CDH20: variants seen among roughly 807,000 people sequenced by gnomAD.
The protein encoded by CDH20 is cadherin 20.
CDH20 carries 29 observed loss-of-function variants against 74.2 expected under a neutral mutation model. The observed-to-expected ratio is 0.39, with a 90% CI of 0.29 to 0.53. The LOEUF is 0.53. CDH20 is among the 20% of genes least tolerant of loss of function. The probability of loss-of-function intolerance (pLI) is 0.69; values close to 1 mark genes in which losing one functional copy is unlikely to be tolerated. For synonymous variants in CDH20, 469 were observed against 405.4 expected (o/e 1.16, Z -1.88); for missense variants, 988 against 1,048.3 (o/e 0.94, Z 0.79).
At chr18:61,474,931 T>C (rs537516853) in intron 1 of CDH20, among the ~76,000 whole-genome samples, 44 of 152,210 alleles carry the variant, frequency 2.9e-4, no homozygotes, top group African/African-American at 1.0e-3. Context: ...GCATTTATAG[T>C]TTATCAGAGG....
At chr18:61,506,156 A>G (rs1200997336) in intron 5 of CDH20, among the ~76,000 whole-genome samples, 1 of 152,236 alleles carries the variant, frequency 6.6e-6, no homozygotes, top group Non-Finnish European at 1.5e-5. Flanking sequence ...TAGAAATTGT[A>G]TGTAGATGTT....
intron 1 of CDH20, among the ~76,000 whole-genome samples, chr18:61,383,635 G>A (rs1046466386): frequency 6.6e-6 from 1 of 152,096 alleles, no homozygotes; most frequent in Admixed American, 6.5e-5. Context: ...GCTGAAGACA[G>A]AAAATTTCAG....
chr18:61,519,886 G>A (rs1217397729), intron 6 of CDH20, among the ~76,000 whole-genome samples: 1 of 147,716 alleles, frequency 6.8e-6, no homozygotes, highest in East Asian at 2.0e-4. Context: ...CATCTAACAT[G>A]CAAAGACAAA....
rs202018700 is a variant in CDH20 at position 61,387,006 on chromosome 18, T to TA, written c.-153+53186dup. 3.7e-4 allele frequency among the ~76,000 whole-genome samples: 56 copies of TA among 152,314 alleles called. No individual in the cohort carries two copies. In the East Asian group the frequency reaches 0.01, roughly 28 times the overall value. ...AAGGAACTGTTATAACTCTTATACT[T>TA]AAAAAAAGTTATAAATATGAAAGTG... On this transcript the variant is annotated intron_variant, in intron 1 of 11. Coordinates refer to ENST00000262717, the MANE Select transcript of CDH20 (RefSeq NM_031891.4).
chr18:61,487,352 T>C (rs1910803947), intron 1 of CDH20, among the ~76,000 whole-genome samples: 1 of 152,230 alleles, frequency 6.6e-6, no homozygotes, highest in African/African-American at 2.4e-5. Context: ...AGAACTGTTT[T>C]GTAAAAAACA....
intron 1 of CDH20, among the ~76,000 whole-genome samples, chr18:61,344,593 TTGC>T (rs1168581702): frequency 1.3e-5 from 2 of 152,208 alleles, no homozygotes; most frequent in African/African-American, 2.4e-5. Context: ...TAAAAATTAT[TTGC>T]TGCTTTCTGT....
rs73451463 is a variant in CDH20 at position 61,470,135 on chromosome 18, T to C, written c.-152-20267T>C. Among the ~76,000 whole-genome samples, 1,313 of 152,242 alleles carry C rather than the reference T, an allele frequency of 8.6e-3. 19 individuals carry two copies. Among genetic ancestry groups the C allele is most frequent in the African/African-American group, 0.03 (1,256 of 41,548 alleles). On this transcript the variant is annotated intron_variant, in intron 1 of 11. Coordinates refer to ENST00000262717, the MANE Select transcript of CDH20 (RefSeq NM_031891.4). ...GCGGTCTGTGTGTCAGTTCCAACAA[T>C]TCCCCTGCCAACGGCTATAAATGCG...
intron 1 of CDH20, among the ~76,000 whole-genome samples, chr18:61,435,684 A>G (rs1908808559): frequency 6.6e-6 from 1 of 150,606 alleles, no homozygotes; most frequent in South Asian, 2.1e-4. Flanking sequence ...ATATATATAT[A>G]ACAGCTTTAA....
chr18:61,342,351 T>C (rs1485047747), intron 1 of CDH20, among the ~76,000 whole-genome samples: 1 of 152,206 alleles, frequency 6.6e-6, no homozygotes, highest in Non-Finnish European at 1.5e-5. Context: ...GAATTCAGTA[T>C]TGTTACCATC....
intron 1 of CDH20, among the ~76,000 whole-genome samples, chr18:61,463,507 G>A (rs1246115449): frequency 1.3e-5 from 2 of 152,196 alleles, no homozygotes; most frequent in African/African-American, 4.8e-5. Flanking sequence ...AAATGCTATT[G>A]TCAATGAACA....
chr18:61,397,167 G>A (rs1443789452), intron 1 of CDH20, among the ~76,000 whole-genome samples: 1 of 151,964 alleles, frequency 6.6e-6, no homozygotes, highest in African/African-American at 2.4e-5. Context: ...TGGATTCTTG[G>A]GGGTTGACTC....
At chr18:61,495,416 C>T (rs1284224739) in intron 2 of CDH20, among the ~76,000 whole-genome samples, 2 of 152,190 alleles carry the variant, frequency 1.3e-5, no homozygotes, top group African/African-American at 4.8e-5. Context: ...GCTTTGGGTG[C>T]TGGGGCTGAA....
In CDH20 at chr18:61,554,214, T is replaced by C. The variant is rs35228870; in HGVS notation, c.1925T>C (p.Met642Thr). The C allele has an allele frequency of 8.7e-4, 1,397 of 1,611,948 alleles. 4 individuals carry two copies. The highest frequency in any genetic ancestry group is 1.1e-3 in the Non-Finnish European group (1,266 of 1,178,408). Residue 642 changes from methionine (M) to threonine (T), a missense_variant, in exon 12 of 12, where the codon ATG (methionine) becomes ACG (threonine). Met to Thr is a moderately conservative substitution (Grantham distance 81, BLOSUM62 -1). Around this residue, in one of 2 missense-constraint regions of CDH20, gnomAD observed 375 missense variants for 293.1 expected, o/e 1.28. Transcript: ENST00000262717. ...GTGCTGGTGTTGCTCATTTTGTCCA[T>C]GAGGCGGCACCGGAAACAACCATAC... ...LLVLVLLILS[M>T]RRHRKQPYII...
chr18:61,334,865 A>G (rs960459602), intron 1 of CDH20, among the ~76,000 whole-genome samples: 5 of 122,510 alleles, frequency 4.1e-5, no homozygotes, highest in Non-Finnish European at 7.6e-5. Context: ...TGGCACGAGC[A>G]CCAGGAACAA....
intron 9 of CDH20, among the ~76,000 whole-genome samples, chr18:61,543,374 G>A (rs1913108907): frequency 6.6e-6 from 1 of 152,178 alleles, no homozygotes; most frequent in African/African-American, 2.4e-5. Context: ...AAGATGGGTA[G>A]GAATAGTCTG....
intron 1 of CDH20, among the ~76,000 whole-genome samples, chr18:61,454,179 T>C (rs994841845): frequency 6.6e-6 from 1 of 152,204 alleles, no homozygotes; most frequent in Non-Finnish European, 1.5e-5. Flanking sequence ...TGTTGAGTTT[T>C]GAGAGTTATG....
intron 2 of CDH20, among the ~76,000 whole-genome samples, chr18:61,498,668 G>A (rs907264656): frequency 2.0e-5 from 3 of 152,112 alleles, no homozygotes; most frequent in Non-Finnish European, 4.4e-5. Context: ...AATCCACGGA[G>A]GTCATTCACT....
At chr18:61,490,373 A>T (rs1356262873) in intron 1 of CDH20, 29 bp from the exon 2 acceptor site, 2 of 607,964 alleles carry the variant, frequency 3.3e-6, no homozygotes, top group African/African-American at 3.7e-5. Context: ...ATCTGACATC[A>T]TCACACTGTG....
At chr18:61,527,614 G>A (rs1912474479) in intron 6 of CDH20, among the ~76,000 whole-genome samples, 1 of 152,150 alleles carries the variant, frequency 6.6e-6, no homozygotes, top group South Asian at 2.1e-4. Context: ...ATTGGGCCCA[G>A]GAGTGAGGGG....
Sources: gnomAD v4.1 joint callset for allele counts (sites outside exome capture counted in the v4.1 genomes callset) on GRCh38, gnomAD v4.1.1 for gene constraint, gnomAD v4.1.1 regional missense constraint, MANE v1.5 for transcripts, NCBI Gene and HGNC (gene_info 2026-07-23, HGNC 2026-07-21) for gene names.